TMCC1: variants seen among roughly 807,000 people sequenced by gnomAD.
TMCC1 encodes transmembrane and coiled-coil domains protein 1.
A neutral mutation model predicts 52.4 loss-of-function variants in TMCC1; 15 were observed. The observed-to-expected ratio is 0.29, with a 90% CI of 0.19 to 0.44. The LOEUF (loss-of-function observed/expected upper bound fraction) is 0.44. TMCC1 is among the 20% of genes least tolerant of loss of function. TMCC1 has a pLI of 1.00. For synonymous variants in TMCC1, 279 were observed against 301.9 expected (o/e 0.92, Z 0.79); for missense variants, 503 against 806.0 (o/e 0.62, Z 4.55).
At chr3:129,654,857 T>C (rs2086570432) in intron 6 of TMCC1, 111 bp downstream of exon 6, 3 of 1,418,982 alleles carry the variant, frequency 2.1e-6, no homozygotes, top group African/African-American at 2.9e-5. Flanking sequence ...ACACAGTTGG[T>C]ATAAGCTTTT....
Position 129,797,417 on chromosome 3 carries a change from C to CA in TMCC1, c.576+30385dup, listed in dbSNP as rs201049533. Reference sequence around the variant, plus strand: ...AACAAATAATAGGCTGCCAAGTCTCCAAAAAAAAATTACCTAACCAAAATG... The same window carrying CA: ...AACAAATAATAGGCTGCCAAGTCTCCAAAAAAAAAATTACCTAACCAAAATG... On this transcript the variant is annotated intron_variant, in intron 4 of 6. Coordinates refer to ENST00000393238, the MANE Select transcript of TMCC1 (RefSeq NM_001017395.5). 1.8e-3 allele frequency among the ~76,000 whole-genome samples: 272 copies of CA among 150,618 alleles called. 1 individual carries two copies. The highest frequency in any genetic ancestry group is 6.0e-3 in the African/African-American group (246 of 41,086).
chr3:129,715,269 C>T (rs1311636157), intron 4 of TMCC1, among the ~76,000 whole-genome samples: 1 of 152,158 alleles, frequency 6.6e-6, no homozygotes, highest in African/African-American at 2.4e-5. Flanking sequence ...CCTTAAAATG[C>T]ACTCTCTGGC....
intron 4 of TMCC1, among the ~76,000 whole-genome samples, chr3:129,709,307 TAAAG>T (rs1295572666): frequency 6.7e-6 from 1 of 150,108 alleles, no homozygotes; most frequent in Non-Finnish European, 1.5e-5. Flanking sequence ...TACAAAAACT[TAAAG>T]AAAAAAAATA....
chr3:129,873,668 A>C (rs2061044503), intron 2 of TMCC1, among the ~76,000 whole-genome samples: 1 of 152,208 alleles, frequency 6.6e-6, no homozygotes. Context: ...TAGGTGACAG[A>C]GTGCCACCAT....
intron 4 of TMCC1, among the ~76,000 whole-genome samples, chr3:129,770,405 A>G (rs2054464852): frequency 6.6e-6 from 1 of 152,008 alleles, no homozygotes; most frequent in Non-Finnish European, 1.5e-5. Flanking sequence ...AGTCCCAGTT[A>G]CTCAGGAGGC....
chr3:129,845,982 C>T (rs901733013), intron 2 of TMCC1, among the ~76,000 whole-genome samples: 9 of 151,292 alleles, frequency 5.9e-5, no homozygotes, highest in Admixed American at 3.3e-4. Context: ...TGCAGTGAGC[C>T]GTGTTCACAT....
At chr3:129,710,756 G>A (rs755249701) in intron 4 of TMCC1, among the ~76,000 whole-genome samples, 3 of 152,162 alleles carry the variant, frequency 2.0e-5, no homozygotes, top group Non-Finnish European at 2.9e-5. Flanking sequence ...AGAAGATATT[G>A]AATCTAATGG....
intron 4 of TMCC1, among the ~76,000 whole-genome samples, chr3:129,719,040 C>A (rs2049347308): frequency 6.6e-6 from 1 of 152,122 alleles, no homozygotes; most frequent in African/African-American, 2.4e-5. Context: ...CTTGGAATCT[C>A]CAAAGTGATG....
chr3:129,859,634 C>T (rs1323477297), intron 2 of TMCC1, among the ~76,000 whole-genome samples: 4 of 138,386 alleles, frequency 2.9e-5, no homozygotes, highest in Non-Finnish European at 4.6e-5. Context: ...GAAACCCTGT[C>T]TCAAAACACA....
chr3:129,680,308 T>C (rs1374321195), intron 4 of TMCC1, among the ~76,000 whole-genome samples: 1 of 152,208 alleles, frequency 6.6e-6, no homozygotes, highest in Non-Finnish European at 1.5e-5. Context: ...TAGTAGTAAC[T>C]GAGTGCTTAC....
intron 4 of TMCC1, among the ~76,000 whole-genome samples, chr3:129,773,234 T>A (rs983523369): frequency 5.3e-5 from 8 of 152,226 alleles, no homozygotes; most frequent in Non-Finnish European, 1.0e-4. Context: ...ATCTCCAGAA[T>A]ATATCAAGCT....
At chr3:129,787,814 G>C (rs1028895975) in intron 4 of TMCC1, among the ~76,000 whole-genome samples, 1 of 152,176 alleles carries the variant, frequency 6.6e-6, no homozygotes, top group African/African-American at 2.4e-5. Context: ...GATTAACACA[G>C]ATGGTTGGGA....
chr3:129,671,372 T>C, intron 4 of TMCC1, 108 bp from the exon 5 acceptor site: 1 of 1,163,316 alleles, frequency 8.6e-7, no homozygotes, highest in Non-Finnish European at 1.2e-6. Flanking sequence ...TCTCAGTAGA[T>C]AACTGACCTA....
chr3:129,869,383 T>G lies in TMCC1; in HGVS notation c.-184+10926A>C, dbSNP rs530714965. Among the ~76,000 whole-genome samples, 7 of 152,266 alleles carry G rather than the reference T, an allele frequency of 4.6e-5. No homozygotes were observed. In the South Asian group the frequency reaches 1.5e-3, roughly 32 times the overall value. On this transcript the variant is annotated intron_variant, in intron 2 of 6. Transcript: ENST00000393238. ...TTTATAATAAATTGATAAACATAAGTGTTTTCCTGAGTTCTATGAGTCTTT... is the reference window on the plus strand; with the variant it reads ...TTTATAATAAATTGATAAACATAAGGGTTTTCCTGAGTTCTATGAGTCTTT...
At chr3:129,746,174 A>AT (rs200903482) in intron 4 of TMCC1, among the ~76,000 whole-genome samples, 31 of 149,468 alleles carry the variant, frequency 2.1e-4, no homozygotes, top group Middle Eastern at 3.5e-3. Flanking sequence ...AACTGGTTTA[A>AT]TTTTTTTTTT....
At chr3:129,869,478 T>C (rs571489783) in intron 2 of TMCC1, among the ~76,000 whole-genome samples, 1 of 152,090 alleles carries the variant, frequency 6.6e-6, no homozygotes, top group African/African-American at 2.4e-5. Flanking sequence ...CAGACAGAAG[T>C]GTGGGTGGCC....
chr3:129,755,696 T>C (rs2052935974), intron 4 of TMCC1, among the ~76,000 whole-genome samples: 1 of 152,192 alleles, frequency 6.6e-6, no homozygotes, highest in Non-Finnish European at 1.5e-5. Flanking sequence ...TAGATAGCAT[T>C]ACACACACAT....
At chr3:129,729,598 G>C (rs1351033772) in intron 4 of TMCC1, among the ~76,000 whole-genome samples, 1 of 152,108 alleles carries the variant, frequency 6.6e-6, no homozygotes, top group Non-Finnish European at 1.5e-5. Context: ...GGCCAAGATG[G>C]GAGGTCACTT....
chr3:129,841,284 T>C (rs151245996), intron 2 of TMCC1, among the ~76,000 whole-genome samples: 454 of 152,328 alleles, frequency 3.0e-3, no homozygotes, highest in Non-Finnish European at 5.1e-3. Context: ...GTGACCTGGC[T>C]TTTTCTGAAA....
Sources: allele counts gnomAD v4.1 joint callset (sites outside exome capture counted in the v4.1 genomes callset), GRCh38; gene constraint gnomAD v4.1.1; transcripts MANE v1.5; gene names NCBI Gene and HGNC (gene_info 2026-07-23, HGNC 2026-07-21).